SULF1: variants seen among roughly 807,000 people sequenced by gnomAD.
The protein encoded by SULF1 is extracellular sulfatase Sulf-1.
A neutral mutation model predicts 110.5 loss-of-function variants in SULF1; 46 were observed. The observed-to-expected ratio is 0.42, with a 90% CI of 0.33 to 0.53. The LOEUF is 0.53. SULF1 is among the 20% of genes least tolerant of loss of function. SULF1 has a pLI of 0.12. For synonymous variants in SULF1, 371 were observed against 387.1 expected (o/e 0.96, Z 0.49); for missense variants, 941 against 1,094.2 (o/e 0.86, Z 1.98).
At chr8:69,571,093 GT>G (rs1379951828) in intron 5 of SULF1, among the ~76,000 whole-genome samples, 1 of 152,222 alleles carries the variant, frequency 6.6e-6, no homozygotes, top group African/African-American at 2.4e-5. Flanking sequence ...ATTGATATTT[GT>G]ATTTGAAAAC....
intron 5 of SULF1, among the ~76,000 whole-genome samples, chr8:69,569,337 A>C (rs7845547): frequency 0.27 from 40,786 of 152,106 alleles, 5,535 homozygotes; most frequent in Admixed American, 0.34. Flanking sequence ...TTAAGCCAAT[A>C]TTTTAAAATC....
chr8:69,617,406 TATATATATATATATATATATATATATA>T (rs1563592175), intron 13 of SULF1, among the ~76,000 whole-genome samples: 12 of 78,976 alleles, frequency 1.5e-4, no homozygotes, highest in African/African-American at 5.0e-4. Context: ...TATATATATA[TATATATATATATATATATATATATATA>T]TGTTTTTTTT....
Position 69,485,707 on chromosome 8 carries a change from G to A in SULF1, c.-390-10058G>A, listed in dbSNP as rs185084498. Among the ~76,000 whole-genome samples the A allele has an allele frequency of 1.3e-3, 191 of 152,128 alleles. 1 individual carries two copies. The highest frequency in any genetic ancestry group is 4.0e-3 in the African/African-American group (164 of 41,506). On this transcript the variant is annotated intron_variant, in intron 1 of 22. Transcript: ENST00000260128. ...TCACTGCTTCCTCTTTATACTCTCC[G>A]CCCAATGCCTGCTCCTGTGCGTTCC...
At chr8:69,580,020 T>C (rs1027243256) in intron 6 of SULF1, among the ~76,000 whole-genome samples, 3 of 152,182 alleles carry the variant, frequency 2.0e-5, no homozygotes, top group African/African-American at 7.2e-5. Flanking sequence ...AGGGCTTATT[T>C]TGGGAGGCGT....
chr8:69,606,536 G>T (rs976791718), intron 13 of SULF1, among the ~76,000 whole-genome samples: 1 of 152,100 alleles, frequency 6.6e-6, no homozygotes, highest in East Asian at 1.9e-4. Context: ...TACTCTTTTA[G>T]CTCTAAGAGG....
At chr8:69,540,772 C>T (rs955106713) in intron 3 of SULF1, among the ~76,000 whole-genome samples, 3 of 152,132 alleles carry the variant, frequency 2.0e-5, no homozygotes, top group Non-Finnish European at 4.4e-5. Flanking sequence ...CCTCTTGCCA[C>T]ATAAAATCCA....
At chr8:69,619,599 C>A (rs1325031692) in intron 13 of SULF1, among the ~76,000 whole-genome samples, 1 of 152,236 alleles carries the variant, frequency 6.6e-6, no homozygotes, top group African/African-American at 2.4e-5. Context: ...CTAGAAAAGT[C>A]AGTGCAAGCT....
At chr8:69,480,064 C>T (rs1809454086) in intron 1 of SULF1, among the ~76,000 whole-genome samples, 8 of 152,076 alleles carry the variant, frequency 5.3e-5, no homozygotes, top group Admixed American at 5.2e-4. Context: ...TTGAGATCAC[C>T]AAGCACCGTT....
chr8:69,475,666 C>T (rs1809273629), intron 1 of SULF1, among the ~76,000 whole-genome samples: 1 of 152,102 alleles, frequency 6.6e-6, no homozygotes, highest in Admixed American at 6.5e-5. Flanking sequence ...CATTATGGAA[C>T]AAATGTTTAT....
chr8:69,612,511 C>CCATTGTTTTG (rs1020163147), intron 13 of SULF1, among the ~76,000 whole-genome samples: 1 of 42,504 alleles, frequency 2.4e-5, no homozygotes, highest in African/African-American at 1.4e-4. Context: ...ACGCCAACAT[C>CCATTGTTTTG]TATTGTTTTG....
At chr8:69,620,351 G>A (rs2130543176) in intron 13 of SULF1, among the ~76,000 whole-genome samples, 1 of 152,288 alleles carries the variant, frequency 6.6e-6, no homozygotes, top group African/African-American at 2.4e-5. Flanking sequence ...TGCAAAAACA[G>A]GAATCCCTGT....
rs771152166 is a variant in SULF1 at position 69,624,317 on chromosome 8, G to C, written c.1850+120G>C. 4.7e-5 allele frequency: 64 copies of C among 1,359,736 alleles called. 1 individual carries two copies. In the South Asian group the frequency reaches 8.7e-4, roughly 19 times the overall value. 84.2% of individuals were successfully genotyped at this position (1,359,736 alleles called of 1,614,324 possible). On this transcript the variant is annotated intron_variant, in intron 15 of 22. Coordinates refer to ENST00000402687, the MANE Select transcript of SULF1 (RefSeq NM_001128205.2). ...ATCACTTGGCAATACAGTGCCTGAG[G>C]GCTGGCCTATGTAGCAACTGGGGGT...
At chr8:69,511,582 C>T (rs895211464) in intron 3 of SULF1, among the ~76,000 whole-genome samples, 9 of 152,164 alleles carry the variant, frequency 5.9e-5, no homozygotes, top group African/African-American at 2.2e-4. Flanking sequence ...TTTTGGTTCA[C>T]AGTAAGATTG....
At chr8:69,621,753 A>C (rs1416327729) in intron 14 of SULF1, among the ~76,000 whole-genome samples, 1 of 152,224 alleles carries the variant, frequency 6.6e-6, no homozygotes, top group African/African-American at 2.4e-5. Flanking sequence ...AAATCATTGG[A>C]TCTCGTTGAT....
chr8:69,578,477 A>ATATC (rs1256404753), intron 6 of SULF1, among the ~76,000 whole-genome samples: 1 of 147,476 alleles, frequency 6.8e-6, no homozygotes, highest in Non-Finnish European at 1.5e-5. Context: ...AGCATAAGGT[A>ATATC]TATCTCCTAA....
At chr8:69,556,084 G>A (rs1815095478) in intron 3 of SULF1, among the ~76,000 whole-genome samples, 1 of 152,144 alleles carries the variant, frequency 6.6e-6, no homozygotes, top group African/African-American at 2.4e-5. Context: ...TGAGATATGT[G>A]TCTGTGTGTG....
At chr8:69,525,541 G>T (rs1250798014) in intron 3 of SULF1, among the ~76,000 whole-genome samples, 2 of 152,116 alleles carry the variant, frequency 1.3e-5, no homozygotes, top group African/African-American at 4.8e-5. Context: ...AAAAGGAAAA[G>T]AATATTAAGT....
rs1805591722 is a variant in SULF1 at position 69,576,112 on chromosome 8, C to G, written c.315C>G (p.Val105=). The change falls in exon 6 of 23, where the codon GTC becomes GTG. Residue 105 remains valine, a synonymous_variant. Coordinates refer to ENST00000402687, the MANE Select transcript of SULF1 (RefSeq NM_001128205.2). The part of the protein sequence containing the change: ...LTGKYVHNHN[V]YTNNENCSSP... ...GGAAGTATGTGCACAATCACAATGT[C>G]TACACCAACAACGAGAACTGCTCTT... The G allele has an allele frequency of 6.8e-6, 11 of 1,614,220 alleles. No homozygotes were observed. The highest frequency in any genetic ancestry group is 9.3e-6 in the Non-Finnish European group (11 of 1,180,038).
chr8:69,543,871 G>A (rs1814036831), intron 3 of SULF1, among the ~76,000 whole-genome samples: 1 of 152,208 alleles, frequency 6.6e-6, no homozygotes, highest in Admixed American at 6.5e-5. Context: ...TCAGCCTCAG[G>A]ATGGCTGGGC....
Sources: gnomAD v4.1 joint callset for allele counts (sites outside exome capture counted in the v4.1 genomes callset) on GRCh38, gnomAD v4.1.1 for gene constraint, MANE v1.5 for transcripts, NCBI Gene and HGNC (gene_info 2026-07-23, HGNC 2026-07-21) for gene names.